The following HNRNPA3 variants were observed in gnomAD, a reference collection of about 807,000 sequenced individuals.
HNRNPA3 encodes the protein heterogeneous nuclear ribonucleoprotein A3.
In HNRNPA3, 3 loss-of-function variants were observed where a neutral mutation model predicts 45.8. The ratio of observed to expected loss-of-function variants is 0.07; its 90% CI spans 0.03 to 0.17. HNRNPA3 has a LOEUF of 0.17. Ranked by LOEUF, HNRNPA3 falls within the 10% of genes least tolerant of loss-of-function variation. HNRNPA3 has a pLI of 1.00. For synonymous variants in HNRNPA3, 170 were observed against 155.6 expected (o/e 1.09, Z -0.69); for missense variants, 183 against 480.3 (o/e 0.38, Z 5.79).
intron 7 of HNRNPA3, among the ~76,000 whole-genome samples, 164 bp from the exon 8 acceptor site, chr2:177,217,541 A>G (rs1281218870): frequency 6.6e-6 from 1 of 152,246 alleles, no homozygotes; most frequent in East Asian, 1.9e-4. Context: ...AGGTGGGAGA[A>G]TGGCTTGAGC....
chr2:177,223,785 G>C (rs1292934357), downstream of HNRNPA3: 2 of 152,192 alleles, frequency 1.3e-5, no homozygotes, highest in African/African-American at 2.4e-5. Context: ...AATGGATTCA[G>C]ATGTTTCATT....
At chr2:177,213,147 AG>A (rs1283671693) in intron 1 of HNRNPA3, among the ~76,000 whole-genome samples, 1 of 147,214 alleles carries the variant, frequency 6.8e-6, no homozygotes, top group Non-Finnish European at 1.5e-5. Flanking sequence ...CGGCCTCCGA[AG>A]CGAGGCCGAG....
At chr2:177,213,834 A>G (rs1197264738) in intron 1 of HNRNPA3, among the ~76,000 whole-genome samples, 3 of 152,240 alleles carry the variant, frequency 2.0e-5, no homozygotes, top group African/African-American at 2.4e-5. Flanking sequence ...GAGGACTGCA[A>G]CCAGAGTTGA....
At chr2:177,218,962 T>A (rs1689077171) in intron 8 of HNRNPA3, 75 bp from the exon 9 acceptor site, 1 of 1,555,396 alleles carries the variant, frequency 6.4e-7, no homozygotes, top group South Asian at 1.2e-5. Flanking sequence ...TCTCAAAAGA[T>A]AATAGTTACA....
exon 11 of HNRNPA3, chr2:177,219,653 C>T (rs1317671793): frequency 5.4e-6 from 1 of 186,490 alleles, no homozygotes; most frequent in South Asian, 1.4e-4. Flanking sequence ...GATGTACATT[C>T]CTGAGGTCTT....
downstream of HNRNPA3, chr2:177,221,345 A>T (rs1362533745): frequency 6.6e-6 from 1 of 152,450 alleles, no homozygotes; most frequent in Non-Finnish European, 1.5e-5. Flanking sequence ...AAGTTCTTTT[A>T]TTCATATAAA....
At chr2:177,216,111 A>G in exon 4 of HNRNPA3, 2 of 1,562,936 alleles carry the variant, frequency 1.3e-6, no homozygotes, top group Non-Finnish European at 1.7e-6. Context: ...GAAGTTATGG[A>G]AGACAGGCAG....
chr2:177,220,485 A>G (rs1019351195), downstream of HNRNPA3: 2 of 154,136 alleles, frequency 1.3e-5, no homozygotes, highest in Admixed American at 1.3e-4. Context: ...TTTTTTTGAT[A>G]CAAGTTTTCA....
At chr2:177,223,276 T>C (rs1274170779), downstream of HNRNPA3, 1 of 149,940 alleles carries the variant, frequency 6.7e-6, no homozygotes, top group Non-Finnish European at 1.5e-5. Flanking sequence ...AAGCAAACAT[T>C]TTTTTTTTAA....
At chr2:177,216,709 G>A (rs1574241734) in exon 6 of HNRNPA3, 10 of 1,614,090 alleles carry the variant, frequency 6.2e-6, no homozygotes, top group South Asian at 1.1e-5. Flanking sequence ...TTTATGGGTC[G>A]CGGAGGGAAC....
At chr2:177,215,592 G>C in exon 2 of HNRNPA3, 2 of 1,613,888 alleles carry the variant, frequency 1.2e-6, no homozygotes, top group South Asian at 2.2e-5. Context: ...TTGGTGGTCT[G>C]AGCTTTGAAA....
chr2:177,223,902 A>G (rs1689299187), downstream of HNRNPA3: 2 of 152,228 alleles, frequency 1.3e-5, no homozygotes, highest in Admixed American at 6.5e-5. Context: ...CTTAAACACT[A>G]TAGGTGAATA....
At chr2:177,216,898 T>C in exon 7 of HNRNPA3, 1 of 1,596,672 alleles carries the variant, frequency 6.3e-7, no homozygotes, top group Non-Finnish European at 8.5e-7. Flanking sequence ...CAGAGGTAGT[T>C]ATGGAGGAGG....
chr2:177,216,591 A>C (rs758533098), exon 5 of HNRNPA3: 36 of 1,613,526 alleles, frequency 2.2e-5, no homozygotes, highest in Non-Finnish European at 3.1e-5. Flanking sequence ...GATCACAGAG[A>C]GGTGAGTAGG....
At chr2:177,215,712 G>A (rs556378519) in intron 2 of HNRNPA3, 38 bp from the exon 3 acceptor site, 2 of 1,595,588 alleles carry the variant, frequency 1.3e-6, no homozygotes, top group Admixed American at 3.4e-5. Flanking sequence ...AGAACCGGTG[G>A]AGGTGTTTTC....
chr2:177,216,133 G>A (rs199989994), exon 4 of HNRNPA3: 2 of 1,586,068 alleles, frequency 1.3e-6, no homozygotes, highest in East Asian at 2.2e-5. Context: ...GTGGAAAAAA[G>A]AGAGGATTTG....
chr2:177,220,481 T>G (rs757284949), downstream of HNRNPA3: 2 of 154,274 alleles, frequency 1.3e-5, no homozygotes. Flanking sequence ...TTCTTTTTTT[T>G]GATACAAGTT....
chr2:177,216,730 G>C (rs759820478), exon 6 of HNRNPA3: 10 of 1,614,106 alleles, frequency 6.2e-6, no homozygotes, highest in East Asian at 2.2e-5. Flanking sequence ...TTTGGAGGTG[G>C]TGGAGGTAAT....
At chr2:177,216,569 T>C in exon 5 of HNRNPA3, 1 of 1,614,018 alleles carries the variant, frequency 6.2e-7, no homozygotes, top group Non-Finnish European at 8.5e-7. Context: ...AAACAAGAGA[T>C]GCAGTCTGCT....
Sources: allele counts gnomAD v4.1 joint callset (sites outside exome capture counted in the v4.1 genomes callset), GRCh38; gene constraint gnomAD v4.1.1; transcripts MANE v1.5; gene names NCBI Gene and HGNC (gene_info 2026-07-23, HGNC 2026-07-21).